The following ENOX1 variants were observed in gnomAD, a reference collection of about 807,000 sequenced individuals.
ENOX1 encodes ecto-NOX disulfide-thiol exchanger 1.
Under a neutral mutation model 82.5 loss-of-function variants are expected in ENOX1, and 42 were observed. The ratio of observed to expected loss-of-function variants is 0.51; its 90% CI spans 0.40 to 0.66. The LOEUF is 0.66. Among genes scored for constraint, ENOX1 ranks in the 30% least tolerant of loss-of-function variants. The pLI is 0.00. For synonymous variants in ENOX1, 271 were observed against 282.2 expected, an observed-to-expected ratio of 0.96 and a Z score of 0.40; for missense variants, 608 against 811.6, an observed-to-expected ratio of 0.75 and a Z score of 3.05.
chr13:43,679,261 C>A (rs2085665628), intron 1 of ENOX1, among the ~76,000 whole-genome samples: 1 of 152,116 alleles, frequency 6.6e-6, no homozygotes, highest in Admixed American at 6.6e-5. Flanking sequence ...GATTTCTATG[C>A]CATGATCATT....
At chr13:43,660,393 C>G (rs899773131) in intron 2 of ENOX1, among the ~76,000 whole-genome samples, 2 of 152,152 alleles carry the variant, frequency 1.3e-5, no homozygotes, top group Non-Finnish European at 2.9e-5. Flanking sequence ...ATCAGTCAGT[C>G]TTTATCCTTT....
chr13:43,692,437 T>C (rs1184102560), intron 1 of ENOX1, among the ~76,000 whole-genome samples: 1 of 152,036 alleles, frequency 6.6e-6, no homozygotes, highest in Non-Finnish European at 1.5e-5. Flanking sequence ...ATTGCACAAA[T>C]AAGTAGCTTT....
chr13:43,236,874 C>T, intron 14 of ENOX1, 136 bp from the exon 15 acceptor site: 1 of 451,304 alleles, frequency 2.2e-6, no homozygotes, highest in Non-Finnish European at 3.8e-6. Flanking sequence ...ATCTTTTATA[C>T]AATTGATCTA....
chr13:43,454,712 T>C (rs2057139448), intron 3 of ENOX1, among the ~76,000 whole-genome samples: 1 of 151,948 alleles, frequency 6.6e-6, no homozygotes, highest in Admixed American at 6.6e-5. Context: ...AGTAAAAGAG[T>C]ATGCGTTCGA....
intron 1 of ENOX1, among the ~76,000 whole-genome samples, chr13:43,713,910 T>C (rs553960393): frequency 6.6e-6 from 1 of 151,520 alleles, no homozygotes; most frequent in South Asian, 2.1e-4. Context: ...TGTCTCTATT[T>C]CCTCCAGTTC....
chr13:43,744,896 C>T (rs190831152), intron 1 of ENOX1, among the ~76,000 whole-genome samples: 1 of 152,310 alleles, frequency 6.6e-6, no homozygotes, highest in Admixed American at 6.5e-5. Context: ...TAAATTACAT[C>T]TACAATGCAT....
chr13:43,445,949 T>C lies in ENOX1; in HGVS notation c.-74-32961A>G, dbSNP rs116021446. Among the ~76,000 whole-genome samples, 1,053 of 152,304 alleles carry C rather than the reference T, an allele frequency of 6.9e-3. 7 individuals carry two copies. The highest frequency in any genetic ancestry group is 0.022 in the African/African-American group (920 of 41,558). ...TCAGCCTTCCCTTTTCATTGCTTTC[T>C]TTCTGAAAGCTCCCACGAGGAAAAC... On this transcript the variant is annotated intron_variant, in intron 3 of 16. Coordinates refer to ENST00000690772, the MANE Select transcript of ENOX1 (RefSeq NM_001347969.2).
intron 5 of ENOX1, among the ~76,000 whole-genome samples, chr13:43,386,027 G>A (rs2052390290): frequency 4.6e-5 from 7 of 152,070 alleles, no homozygotes; most frequent in Admixed American, 4.6e-4. Context: ...TTAGCTGAGT[G>A]TGGGAGCCGG....
chr13:43,532,695 A>G (rs150207126), intron 2 of ENOX1, among the ~76,000 whole-genome samples: 35 of 152,226 alleles, frequency 2.3e-4, no homozygotes, highest in African/African-American at 7.5e-4. Flanking sequence ...TAACAGGTTG[A>G]ATAGTAATGC....
chr13:43,691,396 GA>G (rs879875589), intron 1 of ENOX1, among the ~76,000 whole-genome samples: 106 of 142,446 alleles, frequency 7.4e-4, no homozygotes, highest in African/African-American at 1.6e-3. Flanking sequence ...TCCATGAAAA[GA>G]AAAAAAAAAA....
chr13:43,279,449 T>A (rs2045249127), intron 12 of ENOX1, among the ~76,000 whole-genome samples: 1 of 152,178 alleles, frequency 6.6e-6, no homozygotes, highest in African/African-American at 2.4e-5. Context: ...AAGCAAGATA[T>A]CAATGAATTT....
At chr13:43,560,085 G>A (rs2079604595) in intron 2 of ENOX1, among the ~76,000 whole-genome samples, 1 of 152,108 alleles carries the variant, frequency 6.6e-6, no homozygotes, top group Non-Finnish European at 1.5e-5. Context: ...GTATTTGCTG[G>A]TACAGGCCTA....
intron 2 of ENOX1, among the ~76,000 whole-genome samples, chr13:43,621,997 C>A (rs1300356911): frequency 6.6e-6 from 1 of 152,116 alleles, no homozygotes; most frequent in Non-Finnish European, 1.5e-5. Context: ...AATTCGAAGA[C>A]CCTGTCTTCG....
intron 14 of ENOX1, among the ~76,000 whole-genome samples, chr13:43,238,459 G>A (rs866358738): frequency 3.3e-5 from 5 of 152,198 alleles, no homozygotes; most frequent in Admixed American, 6.5e-5. Flanking sequence ...GCAGGTCTGT[G>A]TGTACACATC....
At chr13:43,467,553 G>T (rs917902938) in intron 3 of ENOX1, among the ~76,000 whole-genome samples, 1 of 139,804 alleles carries the variant, frequency 7.2e-6, no homozygotes, top group African/African-American at 2.8e-5. Context: ...TTATATATCT[G>T]GTATACTCTT....
At chr13:43,377,533 C>CT (rs993284543) in intron 5 of ENOX1, among the ~76,000 whole-genome samples, 4 of 152,072 alleles carry the variant, frequency 2.6e-5, no homozygotes, top group African/African-American at 4.8e-5. Flanking sequence ...AGATATGATC[C>CT]TTTTTTTTCT....
chr13:43,684,336 CAA>C (rs1213367149), intron 1 of ENOX1, among the ~76,000 whole-genome samples: 4 of 152,096 alleles, frequency 2.6e-5, no homozygotes, highest in Admixed American at 2.6e-4. Flanking sequence ...ATTGAGGAAA[CAA>C]AGTGGTCAGA....
chr13:43,454,935 G>C (rs1485145094), intron 3 of ENOX1, among the ~76,000 whole-genome samples: 1 of 151,822 alleles, frequency 6.6e-6, no homozygotes, highest in Non-Finnish European at 1.5e-5. Flanking sequence ...CTCTGGTCTA[G>C]GGGTTTTCCA....
chr13:43,697,909 C>A lies in ENOX1; in HGVS notation c.-284-30365G>T, dbSNP rs769227608. The stretch of plus-strand genomic sequence containing the variant: ...GCCCTGTTCAGGAAAGGCTCACAAA[C>A]TGACTGAAGCTAAGCTTCCAGATGC... On this transcript the variant is annotated intron_variant, in intron 1 of 16. Transcript: ENST00000690772. Among the ~76,000 whole-genome samples, 6 of 152,200 alleles carry A rather than the reference C, an allele frequency of 3.9e-5. No individual in the cohort carries two copies. The South Asian group carries it at 1.2e-3, about 31-fold the overall frequency.
Sources: allele counts gnomAD v4.1 joint callset (sites outside exome capture counted in the v4.1 genomes callset), GRCh38; gene constraint gnomAD v4.1.1; transcripts MANE v1.5; gene names NCBI Gene and HGNC (gene_info 2026-07-23, HGNC 2026-07-21).